Variants in PPFIA4 observed in about 807,000 individuals in gnomAD.
The protein encoded by PPFIA4 is PPFI scaffold protein A4, also known as liprin-alpha-4.
In PPFIA4, 98 loss-of-function variants were observed where a neutral mutation model predicts 145.7. The ratio of observed to expected loss-of-function variants is 0.67; its 90% CI spans 0.57 to 0.80. The LOEUF is 0.80. Ranked by LOEUF, PPFIA4 falls within the 30% of genes least tolerant of loss-of-function variation. The pLI is 0.00. For synonymous variants in PPFIA4, 628 were observed against 649.6 expected, an observed-to-expected ratio of 0.97 and a Z score of 0.51; for missense variants, 1,457 against 1,632.7, an observed-to-expected ratio of 0.89 and a Z score of 1.85.
intron 13 of PPFIA4, chr1:203,051,124 AG>A: frequency 1.0e-6 from 1 of 985,252 alleles, no homozygotes; most frequent in East Asian, 1.1e-4. Flanking sequence ...CAGATATTCC[AG>A]GGGATTGTTG....
At position 203,055,572 on chromosome 1, in the gene PPFIA4, C is replaced by T; in HGVS notation, c.1970C>T (p.Ser657Phe). The change falls in exon 16 of 30, where the codon TCC (serine) becomes TTC (phenylalanine). Residue 657 changes from serine (S) to phenylalanine (F), a missense_variant. Physicochemically the swap from Ser to Phe is radical, Grantham distance 155. This residue lies in a region of PPFIA4 where 848 missense variants were observed against 1,046.7 expected (regional missense o/e 0.81). Coordinates refer to ENST00000295706, the MANE Select transcript of PPFIA4 (RefSeq NM_001304331.2). The surrounding 1 kb of genome is among the most constrained non-coding windows in gnomAD (Gnocchi z 4.8). ...ATCCCCACCTCTCTGACGGCCCTGT[C>T]CCTGGCCAGCGCGTCCCCACCACTC... ...GSIPTSLTAL[S>F]LASASPPLSG... 1 of 1,614,004 alleles carries T rather than the reference C, an allele frequency of 6.2e-7. No homozygotes were observed. The highest frequency in any genetic ancestry group is 1.6e-4 in the Middle Eastern group (1 of 6,062).
Position 203,068,325 on chromosome 1 carries a change from G to T in PPFIA4, c.3149-128G>T. ...GAGAAAGAAGATATGGAAATTTAGG[G>T]ATGGAGTGGGGGTCAGAGAGCAGGG... On this transcript the variant is annotated intron_variant, in intron 26 of 29. Transcript: ENST00000295706. This position sits in a 1 kb window ranked among gnomAD's most constrained non-coding sequence, Gnocchi z 4.7. The T allele has an allele frequency of 3.8e-6, 3 of 786,960 alleles. No homozygotes were observed. The highest frequency in any genetic ancestry group is 3.8e-6 in the Non-Finnish European group (2 of 531,888). The allele number at this position is 786,960 out of a possible 1,614,324, so 48.7% of individuals were successfully genotyped here.
chr1:203,048,646 C>G lies in PPFIA4; in HGVS notation c.1288C>G (p.Leu430Val). The change falls in exon 11 of 30, where the codon CTG becomes GTG. Residue 430 changes from leucine (L) to valine (V), a missense_variant. Around this residue, in one of 3 missense-constraint regions of PPFIA4, gnomAD observed 848 missense variants for 1,046.7 expected, o/e 0.81. Coordinates refer to ENST00000295706, the MANE Select transcript of PPFIA4 (RefSeq NM_001304331.2). This position sits in a 1 kb window ranked among gnomAD's most constrained non-coding sequence, Gnocchi z 5.8. ...NKRLSDTVDR[L>V]LSESNERLQL... The stretch of plus-strand genomic sequence containing the variant: ...GCGGCTGTCGGACACAGTGGACCGG[C>G]TGCTCAGCGAGTCCAACGAGCGTCT... 1 of 1,605,874 alleles carries G rather than the reference C, an allele frequency of 6.2e-7. No individual in the cohort carries two copies. Among genetic ancestry groups the G allele is most frequent in the Non-Finnish European group, 8.5e-7 (1 of 1,177,170 alleles).
chr1:203,062,940 A>G (rs1189311840), intron 24 of PPFIA4: 1 of 152,252 alleles, frequency 6.6e-6, no homozygotes, highest in Admixed American at 6.5e-5. Flanking sequence ...CAGTGTGGGT[A>G]ATGCTCTGCT....
In PPFIA4 at chr1:203,076,460, C is replaced by T. The variant is rs1662558023; in HGVS notation, c.*70C>T. The T allele has an allele frequency of 7.0e-7, 1 of 1,423,478 alleles. No individual in the cohort carries two copies. Among genetic ancestry groups the T allele is most frequent in the Non-Finnish European group, 9.8e-7 (1 of 1,017,368 alleles). The allele number at this position is 1,423,478 out of a possible 1,614,324, so 88.2% of individuals were successfully genotyped here. On this transcript the variant is annotated 3_prime_UTR_variant, in exon 30 of 30. Coordinates refer to ENST00000295706, the MANE Select transcript of PPFIA4 (RefSeq NM_001304331.2). ...TCCTCTGGCCCTGACCCCTCTTGCT[C>T]GTTCCCCTTCCTTCCGCAGCTCCTA... is the stretch of plus-strand genomic sequence containing the variant.
chr1:203,077,345 C>T lies in PPFIA4; in HGVS notation c.*955C>T, dbSNP rs1401773335. 4 of 152,368 alleles carry T rather than the reference C, an allele frequency of 2.6e-5. No individual in the cohort carries two copies. The highest frequency in any genetic ancestry group is 4.4e-5 in the Non-Finnish European group (3 of 68,138). The allele number at this position is 152,368 out of a possible 1,614,324, so 9.4% of individuals were successfully genotyped here. On this transcript the variant is annotated 3_prime_UTR_variant, in exon 30 of 30. Coordinates refer to ENST00000295706, the MANE Select transcript of PPFIA4 (RefSeq NM_001304331.2). ...GCATTGCTAGCTCTGCTCCCAGCAT[C>T]CCTTCCCCTTCTCTCCTCCTCTGCC...
intron 28 of PPFIA4, among the ~76,000 whole-genome samples, chr1:203,073,336 T>C (rs1252741303): frequency 6.6e-6 from 1 of 152,234 alleles, no homozygotes; most frequent in East Asian, 1.9e-4. Context: ...TGTGGAGCTA[T>C]CTGGCCTATC....
chr1:203,040,549 A>G (rs1659630363), intron 2 of PPFIA4, among the ~76,000 whole-genome samples: 1 of 152,174 alleles, frequency 6.6e-6, no homozygotes, highest in Non-Finnish European at 1.5e-5. Flanking sequence ...CCCTAGAGTG[A>G]ATGAACTAGT....
At chr1:203,072,330 C>T (rs550556526) in intron 28 of PPFIA4, among the ~76,000 whole-genome samples, 76 of 152,346 alleles carry the variant, frequency 5.0e-4, no homozygotes, top group African/African-American at 1.7e-3. Context: ...ACCCTTGGGT[C>T]TACCTTCACA....
chr1:203,061,433 T>C, intron 23 of PPFIA4: 1 of 522,000 alleles, frequency 1.9e-6, no homozygotes, highest in Non-Finnish European at 3.4e-6. Flanking sequence ...GCCTGGGAGG[T>C]GTGTGTTTTT....
intron 28 of PPFIA4, among the ~76,000 whole-genome samples, chr1:203,072,778 G>T (rs932673215): frequency 8.5e-5 from 13 of 152,194 alleles, no homozygotes; most frequent in Non-Finnish European, 1.6e-4. Flanking sequence ...CACAGAATTT[G>T]TGGAAGTGTT....
rs528580515 is a variant in PPFIA4 at position 203,076,589 on chromosome 1, G to T, written c.*199G>T. ...CCCACCGTGTGTCCGTTGTAAGTCC[G>T]GTGGATGTGGCTGGGGTTTCCTGGT... On this transcript the variant is annotated 3_prime_UTR_variant, in exon 30 of 30. Coordinates refer to ENST00000295706, the MANE Select transcript of PPFIA4 (RefSeq NM_001304331.2). 2 of 602,186 alleles carry T rather than the reference G, an allele frequency of 3.3e-6. No individual in the cohort carries two copies. The highest frequency in any genetic ancestry group is 2.8e-5 in the East Asian group (1 of 35,642). 37.3% of individuals were successfully genotyped at this position (602,186 alleles called of 1,614,324 possible).
rs76152624 is a variant in PPFIA4 at position 203,050,080 on chromosome 1, A to G, written c.1511+313A>G. On this transcript the variant is annotated intron_variant, in intron 13 of 29. Transcript: ENST00000295706. Reference sequence around the variant, plus strand: ...GCACACCCCTGAGAGAGGCCTGCACATCCCTTGCTTAGCCATGTCCTACAG... The same window carrying G: ...GCACACCCCTGAGAGAGGCCTGCACGTCCCTTGCTTAGCCATGTCCTACAG... Among the ~76,000 whole-genome samples the G allele has an allele frequency of 9.1e-3, 1,379 of 152,304 alleles. 58 individuals are homozygous for G. The highest frequency in any genetic ancestry group is 0.066 in the Admixed American group (1,010 of 15,304).
chr1:203,072,079 G>C (rs773952235), intron 28 of PPFIA4, among the ~76,000 whole-genome samples: 10 of 152,158 alleles, frequency 6.6e-5, no homozygotes, highest in Non-Finnish European at 1.5e-4. Context: ...TTTCCCCAAA[G>C]GCCATATCTT....
In PPFIA4 at chr1:203,060,983, T is replaced by G; in HGVS notation, c.2798T>G (p.Val933Gly). The G allele has an allele frequency of 6.2e-7, 1 of 1,613,996 alleles. No individual in the cohort carries two copies. The highest frequency in any genetic ancestry group is 8.5e-7 in the Non-Finnish European group (1 of 1,179,886). Residue 933 changes from valine (V) to glycine (G), a missense_variant, in exon 23 of 30, where the codon GTC becomes GGC. Around this residue, in one of 3 missense-constraint regions of PPFIA4, gnomAD observed 848 missense variants for 1,046.7 expected, o/e 0.81. Coordinates refer to ENST00000295706, the MANE Select transcript of PPFIA4 (RefSeq NM_001304331.2). This position sits in a 1 kb window ranked among gnomAD's most constrained non-coding sequence, Gnocchi z 4.8. ...PPTSRTSSGN[V>G]WVTHEEMETL... ...CTCTGCCTGCAGTCTTCTGGGAATG[T>G]CTGGGTCACCCATGAAGAGATGGAA...
At chr1:203,071,903 G>A (rs1226884745) in intron 28 of PPFIA4, 143 bp downstream of exon 28, 1 of 744,516 alleles carries the variant, frequency 1.3e-6, no homozygotes, top group Non-Finnish European at 2.3e-6. Context: ...GATAATGTCA[G>A]GGGGTTGAGG....
chr1:203,026,683 C>T (rs1658412058), intron 1 of PPFIA4, 54 bp downstream of exon 1: 1 of 152,282 alleles, frequency 6.6e-6, no homozygotes, highest in Admixed American at 6.5e-5. Context: ...CCATCTCCAG[C>T]TCCCCTCGAC....
chr1:203,062,204 G>A (rs1428750071), intron 24 of PPFIA4, among the ~76,000 whole-genome samples: 9 of 151,768 alleles, frequency 5.9e-5, no homozygotes, highest in East Asian at 1.9e-4. Context: ...TCGGCTGGGC[G>A]CGGTGGCTGA....
In PPFIA4 at chr1:203,046,316, G is replaced by A; in HGVS notation, c.1074G>A (p.Met358Ile). The part of the protein sequence containing the change: ...EVAEQKLQQT[M>I]RKAETLPEVE... ...CAGAGCAGAAGCTGCAGCAGACGAT[G>A]CGCAAGGCAGAGACGCTGCCAGAGG... is the stretch of plus-strand genomic sequence containing the variant. The change falls in exon 9 of 30, where the codon ATG becomes ATA. Residue 358 changes from methionine to isoleucine, a missense_variant. This residue lies in a region of PPFIA4 where 848 missense variants were observed against 1,046.7 expected (regional missense o/e 0.81). Transcript: ENST00000295706. The A allele has an allele frequency of 1.9e-6, 3 of 1,595,042 alleles. No individual in the cohort carries two copies. The South Asian group carries it at 3.4e-5, about 18-fold the overall frequency.
Sources: allele counts gnomAD v4.1 joint callset (sites outside exome capture counted in the v4.1 genomes callset), GRCh38; gene constraint gnomAD v4.1.1; regional missense constraint gnomAD v4.1.1; non-coding constraint Gnocchi (gnomAD v3.1); transcripts MANE v1.5; gene names NCBI Gene and HGNC (gene_info 2026-07-23, HGNC 2026-07-21).